The following CDYL2 variants were observed in gnomAD, a reference collection of about 807,000 sequenced individuals.
CDYL2 encodes the protein chromodomain Y like 2.
CDYL2 carries 23 observed loss-of-function variants against 49.4 expected under a neutral mutation model. That is an observed-to-expected ratio of 0.47 (90% confidence interval 0.34 to 0.66). The LOEUF (loss-of-function observed/expected upper bound fraction) is 0.66, where lower values mean the gene tolerates loss of function less well. Among genes scored for constraint, CDYL2 ranks in the 30% least tolerant of loss-of-function variants. CDYL2 has a pLI of 0.01. For synonymous variants in CDYL2, 360 were observed against 268.8 expected, an observed-to-expected ratio of 1.34 and a Z score of -3.32; for missense variants, 678 against 656.4, an observed-to-expected ratio of 1.03 and a Z score of -0.36.
intron 2 of CDYL2, among the ~76,000 whole-genome samples, chr16:80,680,484 A>G (rs907327256): frequency 6.6e-6 from 1 of 152,210 alleles, no homozygotes; most frequent in Admixed American, 6.5e-5. Context: ...GCTCGTGTGA[A>G]TCCATAGAAC....
intron 3 of CDYL2, among the ~76,000 whole-genome samples, chr16:80,631,584 T>C (rs1223810664): frequency 6.6e-6 from 1 of 152,230 alleles, no homozygotes; most frequent in African/African-American, 2.4e-5. Flanking sequence ...TTGTTTGTCA[T>C]AGGGCACTAT....
At chr16:80,636,183 G>T (rs774869822) in intron 2 of CDYL2, among the ~76,000 whole-genome samples, 1 of 152,152 alleles carries the variant, frequency 6.6e-6, no homozygotes, top group Non-Finnish European at 1.5e-5. Flanking sequence ...AAAAGCAATG[G>T]TAAGAAAAGC....
At chr16:80,795,627 A>AACCT (rs374945983) in intron 1 of CDYL2, among the ~76,000 whole-genome samples, 1 of 152,128 alleles carries the variant, frequency 6.6e-6, no homozygotes, top group African/African-American at 2.4e-5. Flanking sequence ...ACCATTCACC[A>AACCT]ACCTACCAGA....
chr16:80,705,210 G>A (rs923978784), intron 1 of CDYL2, among the ~76,000 whole-genome samples: 1 of 152,214 alleles, frequency 6.6e-6, no homozygotes, highest in African/African-American at 2.4e-5. Flanking sequence ...CTAGCAGGAT[G>A]GCTGCTAACA....
intron 1 of CDYL2, among the ~76,000 whole-genome samples, chr16:80,722,686 TC>T (rs1380911959): frequency 6.6e-6 from 1 of 152,182 alleles, no homozygotes; most frequent in African/African-American, 2.4e-5. Flanking sequence ...CAGGCCCTTT[TC>T]AAAACACCAC....
chr16:80,784,362 T>C (rs887485965), intron 1 of CDYL2, among the ~76,000 whole-genome samples: 1 of 152,214 alleles, frequency 6.6e-6, no homozygotes, highest in Non-Finnish European at 1.5e-5. Context: ...TTTTCATTCA[T>C]ATTATTTTTA....
At chr16:80,744,414 T>C (rs1036983197) in intron 1 of CDYL2, among the ~76,000 whole-genome samples, 2 of 152,080 alleles carry the variant, frequency 1.3e-5, no homozygotes, top group Admixed American at 6.6e-5. Context: ...ACTGACACCA[T>C]GAAGATATCC....
chr16:80,726,209 T>C (rs979045503), intron 1 of CDYL2, among the ~76,000 whole-genome samples: 1 of 152,184 alleles, frequency 6.6e-6, no homozygotes, highest in Non-Finnish European at 1.5e-5. Flanking sequence ...ATTTTCCACA[T>C]ACATGTTGCA....
intron 2 of CDYL2, among the ~76,000 whole-genome samples, chr16:80,681,542 C>G (rs1909967658): frequency 6.6e-6 from 1 of 152,206 alleles, no homozygotes; most frequent in African/African-American, 2.4e-5. Flanking sequence ...TCAAACCACT[C>G]TCTTCAACAC....
intron 2 of CDYL2, chr16:80,662,750 G>C: frequency 6.6e-6 from 3 of 455,922 alleles, no homozygotes; most frequent in Non-Finnish European, 8.8e-6. Flanking sequence ...CTAACCACCT[G>C]TGGCTGATGG....
intron 1 of CDYL2, among the ~76,000 whole-genome samples, chr16:80,699,695 A>G (rs1904291026): frequency 6.6e-6 from 1 of 152,236 alleles, no homozygotes; most frequent in Non-Finnish European, 1.5e-5. Flanking sequence ...AAGAAATGAC[A>G]AATGTTTGAA....
At chr16:80,768,379 G>A (rs1906796191) in intron 1 of CDYL2, among the ~76,000 whole-genome samples, 3 of 152,186 alleles carry the variant, frequency 2.0e-5, no homozygotes, top group Non-Finnish European at 2.9e-5. Flanking sequence ...CAGTGTCCAT[G>A]TGTCTTAGAC....
In CDYL2 at chr16:80,723,931, A is replaced by G. The variant is rs540680860; in HGVS notation, c.25-38802T>C. ...GGGGGAAGGAGGAGAAGGAGTGGAG[A>G]AGAAGAGGAAGAGGAGAAAAAGGGG... On this transcript the variant is annotated intron_variant, in intron 1 of 6. Coordinates refer to ENST00000570137, the MANE Select transcript of CDYL2 (RefSeq NM_152342.4). Among the ~76,000 whole-genome samples, 16 of 149,506 alleles carry G rather than the reference A, an allele frequency of 1.1e-4. 1 individual carries two copies. Among genetic ancestry groups the G allele is most frequent in the Admixed American group, 8.0e-4 (12 of 15,002 alleles).
intron 1 of CDYL2, among the ~76,000 whole-genome samples, chr16:80,800,095 TAAC>T (rs1907881541): frequency 1.3e-5 from 2 of 152,158 alleles, no homozygotes; most frequent in African/African-American, 2.4e-5. Flanking sequence ...GAGAAAGACT[TAAC>T]AATGTGTGAA....
At chr16:80,668,231 G>A (rs1909352851) in intron 2 of CDYL2, among the ~76,000 whole-genome samples, 1 of 152,174 alleles carries the variant, frequency 6.6e-6, no homozygotes, top group African/African-American at 2.4e-5. Flanking sequence ...CAGGCTTTAA[G>A]TCAAAAAAGA....
At position 80,685,207 on chromosome 16, in the gene CDYL2, T is replaced by C. The variant is rs934398014; in HGVS notation, c.25-78A>G. On this transcript the variant is annotated intron_variant, in intron 1 of 6. Coordinates refer to ENST00000570137, the MANE Select transcript of CDYL2 (RefSeq NM_152342.4). ...TCAGTTCGAGGCAACAAGAACACCATAAAGCCTTTGGGATAGAGGCATCTA... is the reference window on the plus strand; with the variant it reads ...TCAGTTCGAGGCAACAAGAACACCACAAAGCCTTTGGGATAGAGGCATCTA... The C allele has an allele frequency of 7.7e-6, 9 of 1,175,100 alleles. No individual in the cohort carries two copies. The Admixed American group carries it at 7.9e-5, about 10-fold the overall frequency. 72.8% of individuals were successfully genotyped at this position (1,175,100 alleles called of 1,614,324 possible). A position where few individuals can be genotyped will look rare whatever the true frequency, so the allele number is the denominator to read the frequency against.
At chr16:80,779,892 A>C (rs1466012771) in intron 1 of CDYL2, among the ~76,000 whole-genome samples, 1 of 152,120 alleles carries the variant, frequency 6.6e-6, no homozygotes, top group Non-Finnish European at 1.5e-5. Flanking sequence ...TATTTTCTAT[A>C]TTTTTTAAAT....
chr16:80,675,811 G>A lies in CDYL2; in HGVS notation c.616+8727C>T, dbSNP rs530215449. Among the ~76,000 whole-genome samples the A allele has an allele frequency of 9.2e-5, 14 of 152,180 alleles. No individual in the cohort carries two copies. In the South Asian group the frequency reaches 2.7e-3, roughly 29 times the overall value. On this transcript the variant is annotated intron_variant, in intron 2 of 6. Coordinates refer to ENST00000570137, the MANE Select transcript of CDYL2 (RefSeq NM_152342.4). ...CAGACACTGTACCCGCTTACTGCTT[G>A]CTCCTGGGGAGGATCGCTTCCACTC... is the stretch of plus-strand genomic sequence containing the variant.
chr16:80,609,130 T>C (rs2142361161), intron 5 of CDYL2, among the ~76,000 whole-genome samples: 1 of 152,258 alleles, frequency 6.6e-6, no homozygotes, highest in Non-Finnish European at 1.5e-5. Context: ...AGAATTTCCT[T>C]TTGCTTTGAA....
Sources: gnomAD v4.1 joint callset for allele counts (sites outside exome capture counted in the v4.1 genomes callset) on GRCh38, gnomAD v4.1.1 for gene constraint, MANE v1.5 for transcripts, NCBI Gene and HGNC (gene_info 2026-07-23, HGNC 2026-07-21) for gene names.